Variants in IFIH1 observed in about 807,000 individuals in gnomAD.
IFIH1 encodes interferon-induced helicase C domain-containing protein 1.
A neutral mutation model predicts 107.4 loss-of-function variants in IFIH1; 125 were observed. The observed-to-expected ratio is 1.16, with a 90% CI of 1.01 to 1.35. The LOEUF is 1.35. Ranked by LOEUF, IFIH1 falls within the 40% of genes most tolerant of loss-of-function variation. The pLI is 0.00. For missense variants in IFIH1, 1,333 were observed against 1,213.7 expected, an observed-to-expected ratio of 1.10 and a Z score of -1.46; for synonymous variants, 458 against 413.2, an observed-to-expected ratio of 1.11 and a Z score of -1.31.
chr2:162,279,802 A>C (rs1323991071), intron 8 of IFIH1, among the ~76,000 whole-genome samples, 194 bp downstream of exon 8: 6 of 152,094 alleles, frequency 3.9e-5, no homozygotes, highest in Non-Finnish European at 8.8e-5. Context: ...GTAAATTAGA[A>C]AACTAAAAGA....
In IFIH1 at chr2:162,306,711, GA is replaced by G. The variant is rs1683285382; in HGVS notation, c.766del (p.Ser256GlnfsTer15). 1 of 1,613,396 alleles carries G rather than the reference GA, an allele frequency of 6.2e-7. No individual in the cohort carries two copies. The highest frequency in any genetic ancestry group is 1.3e-5 in the African/African-American group (1 of 74,888). On this transcript the variant is annotated frameshift_variant, in exon 3 of 16. Transcript: ENST00000649979. LOFTEE classifies it high-confidence loss of function. ...AAGTACGTATGTGTTTCAAGTACCT[GA>G]AACTACAGAAGAATCTGCAAAAGAT... ...ESSFADSSVVSESDTSLAEGS... is the reference protein window; with the variant it reads ...ESSFADSSVVXESDTSLAEGS...
At chr2:162,300,400 T>G (rs1380151691) in intron 3 of IFIH1, among the ~76,000 whole-genome samples, 1 of 152,306 alleles carries the variant, frequency 6.6e-6, no homozygotes, top group African/African-American at 2.4e-5. Flanking sequence ...AACTGCACAC[T>G]GGGGAGATTT....
rs548261817 is a variant in IFIH1, at chr2:162,277,698, G to GA, written c.1766-6dup. On this transcript the variant is annotated splice_region_variant and splice_polypyrimidine_tract_variant and intron_variant, in intron 9 of 15. Transcript: ENST00000649979. ...TGCGATTTCCTTCTTTTGCAGCTGT[G>GA]AAAAAATATATTATGTAAGTGAAAT... The GA allele has an allele frequency of 1.1e-4, 176 of 1,596,780 alleles. No individual in the cohort carries two copies. In the African/African-American group the frequency reaches 2.2e-3, roughly 20 times the overall value.
chr2:162,303,726 C>T (rs920583222), intron 3 of IFIH1, among the ~76,000 whole-genome samples: 2 of 151,732 alleles, frequency 1.3e-5, no homozygotes, highest in South Asian at 2.1e-4. Context: ...TCACAAGATA[C>T]ATCTTTAAGT....
At position 162,275,334 on chromosome 2, in the gene IFIH1, G is replaced by A. The variant is rs143642931; in HGVS notation, c.2304+1353C>T. ...GAAGCTTAGCCCTCTTACAATAAAA[G>A]TCACAACGCTAAAGTTAATATAATA... On this transcript the variant is annotated intron_variant, in intron 11 of 15. Transcript: ENST00000649979. 3.8e-3 allele frequency among the ~76,000 whole-genome samples: 574 copies of A among 152,208 alleles called. 7 individuals are homozygous for A. Among genetic ancestry groups the A allele is most frequent in the African/African-American group, 0.013 (538 of 41,546 alleles).
At position 162,290,515 on chromosome 2, in the gene IFIH1, T is replaced by C. The variant is rs373708421; in HGVS notation, c.875-2160A>G. Among the ~76,000 whole-genome samples, 8 of 152,052 alleles carry C rather than the reference T, an allele frequency of 5.3e-5. No individual in the cohort carries two copies. The East Asian group carries it at 1.6e-3, about 30-fold the overall frequency. ...CTTCAGAACTGAAGTCATGAGGTTT[T>C]ACTGCTACTTAAGTAGGCATGTACC... On this transcript the variant is annotated intron_variant, in intron 4 of 15. Coordinates refer to ENST00000649979, the MANE Select transcript of IFIH1 (RefSeq NM_022168.4).
intron 13 of IFIH1, 119 bp downstream of exon 13, chr2:162,272,107 A>G (rs1346271565): frequency 7.5e-6 from 6 of 796,550 alleles, no homozygotes; most frequent in Non-Finnish European, 1.3e-5. Context: ...ACAGTTCACT[A>G]AACAGAAACT....
chr2:162,307,567 T>C (rs1683307134), intron 2 of IFIH1, among the ~76,000 whole-genome samples: 1 of 152,244 alleles, frequency 6.6e-6, no homozygotes, highest in Non-Finnish European at 1.5e-5. Flanking sequence ...TAATGGGTAT[T>C]TTATTAAGGG....
At chr2:162,276,019 G>GTTTGAA (rs1691147031) in intron 11 of IFIH1, among the ~76,000 whole-genome samples, 1 of 152,136 alleles carries the variant, frequency 6.6e-6, no homozygotes, top group African/African-American at 2.4e-5. Flanking sequence ...TTTTGTGGGA[G>GTTTGAA]TTTGAATTTT....
At chr2:162,283,182 C>A (rs540068711) in intron 5 of IFIH1, among the ~76,000 whole-genome samples, 4 of 151,730 alleles carry the variant, frequency 2.6e-5, no homozygotes, top group Non-Finnish European at 5.9e-5. Flanking sequence ...TTGGATTAGA[C>A]CAGAAGCAAC....
intron 1 of IFIH1, among the ~76,000 whole-genome samples, chr2:162,312,698 C>T (rs1683402322): frequency 6.6e-6 from 1 of 152,120 alleles, no homozygotes; most frequent in African/African-American, 2.4e-5. Context: ...CTCTCTTAGT[C>T]TCCTAATGGA....
intron 5 of IFIH1, among the ~76,000 whole-genome samples, chr2:162,285,325 G>A (rs1231105758): frequency 1.3e-5 from 2 of 151,918 alleles, no homozygotes; most frequent in African/African-American, 2.4e-5. Context: ...TGGAAAGGAC[G>A]GAGGAAGGGA....
At chr2:162,314,416 T>TCTTC (rs1683441219) in intron 1 of IFIH1, among the ~76,000 whole-genome samples, 1 of 51,444 alleles carries the variant, frequency 1.9e-5, no homozygotes, top group Non-Finnish European at 3.4e-5. Context: ...TCTTTCTTTC[T>TCTTC]TTTCTTTCTT....
Position 162,267,258 on chromosome 2 carries a change from G to A in IFIH1, c.3020C>T (p.Pro1007Leu). 1 of 1,611,054 alleles carries A rather than the reference G, an allele frequency of 6.2e-7. No individual in the cohort carries two copies. Among genetic ancestry groups the A allele is most frequent in the Middle Eastern group, 1.7e-4 (1 of 5,928 alleles). Residue 1007 changes from proline (P) to leucine (L), a missense_variant, in exon 16 of 16, where the codon CCT becomes CTT. Physicochemically the swap from Pro to Leu is moderately conservative, Grantham distance 98. Transcript: ENST00000649979. The part of the protein sequence containing the change: ...KKQYKKWVEL[P>L]ITFPNLDYSE... ...ATAGTCAAGATTGGGAAATGTGATAGGTAATTCTACCCACTTTTTGTATTG... is the reference window on the plus strand; with the variant it reads ...ATAGTCAAGATTGGGAAATGTGATAAGTAATTCTACCCACTTTTTGTATTG...
chr2:162,278,995 G>T (rs1307346318), intron 8 of IFIH1, among the ~76,000 whole-genome samples: 1 of 151,928 alleles, frequency 6.6e-6, no homozygotes, highest in Non-Finnish European at 1.5e-5. Flanking sequence ...ATATGAATTT[G>T]TACTTTTCTG....
At position 162,288,120 on chromosome 2, in the gene IFIH1, G is replaced by C. The variant is rs771436673; in HGVS notation, c.1095+15C>G. On this transcript the variant is annotated intron_variant, in intron 5 of 15. Transcript: ENST00000649979. ...AATGAAAATGATCAACTAGTGTTAT[G>C]TGTTCTTTGAATACCTTATTGACAA... 1 of 1,509,074 alleles carries C rather than the reference G, an allele frequency of 6.6e-7. No individual in the cohort carries two copies. The highest frequency in any genetic ancestry group is 9.2e-7 in the Non-Finnish European group (1 of 1,087,158). 93.5% of individuals were successfully genotyped at this position (1,509,074 alleles called of 1,614,324 possible).
rs35732034 is a variant in IFIH1, at chr2:162,268,086, C to T, written c.2807+1G>A. ...GTAAAAATGGGTCTTTCTGGACTCA[C>T]TTGAATTCTGGGGTCATATTGACGT... On this transcript the variant is annotated splice_donor_variant, in intron 14 of 15. Coordinates refer to ENST00000649979, the MANE Select transcript of IFIH1 (RefSeq NM_022168.4). LOFTEE classifies it high-confidence loss of function. 8.5e-3 allele frequency: 13,567 copies of T among 1,591,006 alleles called. 86 individuals carry two copies. The highest frequency in any genetic ancestry group is 0.019 in the East Asian group (848 of 44,412).
In IFIH1 at chr2:162,288,329, A is replaced by T. The variant is rs988912608; in HGVS notation, c.901T>A (p.Ser301Thr). 1.9e-6 allele frequency: 3 copies of T among 1,612,416 alleles called. No homozygotes were observed. Among genetic ancestry groups the T allele is most frequent in the Admixed American group, 1.7e-5 (1 of 59,816 alleles). The change falls in exon 5 of 16, where the codon TCC becomes ACC. Residue 301 changes from serine (S) to threonine (T), a missense_variant. Physicochemically the swap from Ser to Thr is moderately conservative, Grantham distance 58. Transcript: ENST00000649979. Reference sequence around the variant, plus strand: ...CTGAGCTGGAGTTCTGGCTCCGGGGATGCTCTTGCTGCCACATTCTCTTCA... The same window carrying T: ...CTGAGCTGGAGTTCTGGCTCCGGGGTTGCTCTTGCTGCCACATTCTCTTCA... ...SDEENVAARA[S>T]PEPELQLRPY...
intron 1 of IFIH1, among the ~76,000 whole-genome samples, chr2:162,313,402 G>GT (rs1683416005): frequency 6.6e-6 from 1 of 152,134 alleles, no homozygotes; most frequent in Non-Finnish European, 1.5e-5. Flanking sequence ...ATGGATGGAT[G>GT]TTTTCACTAT....
Sources: gnomAD v4.1 joint callset for allele counts (sites outside exome capture counted in the v4.1 genomes callset) on GRCh38, gnomAD v4.1.1 for gene constraint, MANE v1.5 for transcripts, NCBI Gene and HGNC (gene_info 2026-07-23, HGNC 2026-07-21) for gene names.